The following CREB3L2 variants were observed in gnomAD, a reference collection of about 807,000 sequenced individuals.
CREB3L2 encodes the protein cyclic AMP-responsive element-binding protein 3-like protein 2.
In CREB3L2, 23 loss-of-function variants were observed where a neutral mutation model predicts 57.2. The ratio of observed to expected loss-of-function variants is 0.40; its 90% CI spans 0.29 to 0.57. CREB3L2 has a LOEUF of 0.57. Ranked by LOEUF, CREB3L2 falls within the 20% of genes least tolerant of loss-of-function variation. The pLI, the probability that CREB3L2 is intolerant of heterozygous loss-of-function variation, is 0.42. For missense variants in CREB3L2, 628 were observed against 634.7 expected (o/e 0.99, Z 0.11); for synonymous variants, 268 against 265.1 (o/e 1.01, Z -0.11).
chr7:137,941,716 T>G (rs1800882353), intron 1 of CREB3L2, among the ~76,000 whole-genome samples: 1 of 152,202 alleles, frequency 6.6e-6, no homozygotes, highest in Non-Finnish European at 1.5e-5. Flanking sequence ...AACCTGAAGT[T>G]AAGGTACACT....
chr7:137,956,563 T>C, intron 1 of CREB3L2: 1 of 1,283,742 alleles, frequency 7.8e-7, no homozygotes, highest in Non-Finnish European at 1.0e-6. Context: ...GCCATTGCAC[T>C]CTCTACCTTC....
intron 1 of CREB3L2, among the ~76,000 whole-genome samples, chr7:137,995,900 T>C (rs542919425): frequency 6.6e-6 from 1 of 152,330 alleles, no homozygotes; most frequent in East Asian, 1.9e-4. Flanking sequence ...TGTGCCTATG[T>C]CTACCACCTC....
intron 9 of CREB3L2, 26 bp downstream of exon 9, chr7:137,885,377 C>T (rs759554467): frequency 6.3e-7 from 1 of 1,593,190 alleles, no homozygotes; most frequent in East Asian, 2.2e-5. Context: ...GGGGCGGTCA[C>T]TGTGCTACCC....
intron 1 of CREB3L2, among the ~76,000 whole-genome samples, chr7:137,971,335 A>T (rs1054195485): frequency 1.3e-5 from 2 of 152,082 alleles, no homozygotes; most frequent in East Asian, 3.9e-4. Context: ...CTGTAGTCCC[A>T]GCTACTCGGG....
chr7:137,994,998 G>T (rs1801962986), intron 1 of CREB3L2, among the ~76,000 whole-genome samples: 1 of 152,296 alleles, frequency 6.6e-6, no homozygotes, highest in East Asian at 1.9e-4. Context: ...ATCCCCATAT[G>T]ATTAATCTAA....
Position 137,875,419 on chromosome 7 carries a change from T to C in CREB3L2, c.*5057A>G, listed in dbSNP as rs1799125887. 9.0e-6 allele frequency: 2 copies of C among 221,320 alleles called. No individual in the cohort carries two copies. Among genetic ancestry groups the C allele is most frequent in the African/African-American group, 2.2e-5 (1 of 44,726 alleles). The allele number at this position is 221,320 out of a possible 1,614,324, so 13.7% of individuals were successfully genotyped here. On this transcript the variant is annotated 3_prime_UTR_variant, in exon 12 of 12. Coordinates refer to ENST00000330387, the MANE Select transcript of CREB3L2 (RefSeq NM_194071.4). ...ATGGGTACATGGTGCAAAAAGTTCA[T>C]GTTCTCACTCAGCTGGTGAGCGAAG...
intron 5 of CREB3L2, 52 bp downstream of exon 5, chr7:137,908,200 G>C: frequency 8.6e-7 from 1 of 1,169,556 alleles, no homozygotes; most frequent in Non-Finnish European, 1.1e-6. Flanking sequence ...AGCCCCAGGG[G>C]AATGAATGGA....
chr7:137,914,631 C>CA (rs913878330), intron 3 of CREB3L2, among the ~76,000 whole-genome samples: 9 of 147,080 alleles, frequency 6.1e-5, no homozygotes, highest in East Asian at 2.0e-4. Flanking sequence ...ACTTCTGTTT[C>CA]AAAAAAAAAA....
Position 138,001,688 on chromosome 7 carries a change from G to A in CREB3L2, c.18C>T (p.Ser6=). Residue 6 remains serine (S), a synonymous_variant, in exon 1 of 12, where the codon AGC becomes AGT. Transcript: ENST00000330387. The surrounding 1 kb of genome is among the most constrained non-coding windows in gnomAD (Gnocchi z 4.2). MEVLE[S]GEQGVLQWDR... is the part of the protein sequence containing the mutation. ...CCCACTGCAGCACGCCCTGCTCCCC[G>A]CTCTCCAGCACCTCCATGGCGGTGC... 1.2e-6 allele frequency: 2 copies of A among 1,611,344 alleles called. No individual in the cohort carries two copies. The highest frequency in any genetic ancestry group is 3.3e-5 in the Admixed American group (2 of 59,900).
At chr7:137,998,172 G>C (rs899875234) in intron 1 of CREB3L2, among the ~76,000 whole-genome samples, 2 of 152,136 alleles carry the variant, frequency 1.3e-5, no homozygotes, top group African/African-American at 2.4e-5. Context: ...TGTAGACCAA[G>C]ATGTCTTCAT....
chr7:137,956,017 G>C (rs1189566466), intron 1 of CREB3L2, among the ~76,000 whole-genome samples: 1 of 152,158 alleles, frequency 6.6e-6, no homozygotes, highest in Non-Finnish European at 1.5e-5. Flanking sequence ...CTCATACTTT[G>C]ATGTTTAAAA....
chr7:137,957,733 T>C, intron 1 of CREB3L2: 1 of 1,285,952 alleles, frequency 7.8e-7, no homozygotes, highest in Non-Finnish European at 1.0e-6. Context: ...ACAAGTTTTC[T>C]TCAAAGAACG....
chr7:137,881,943 T>C (rs1799301702), intron 11 of CREB3L2, among the ~76,000 whole-genome samples: 1 of 152,198 alleles, frequency 6.6e-6, no homozygotes, highest in Non-Finnish European at 1.5e-5. Context: ...ATAATATGTA[T>C]AGTTTTAATT....
intron 3 of CREB3L2, among the ~76,000 whole-genome samples, chr7:137,915,287 G>A (rs1215292573): frequency 6.6e-6 from 1 of 151,776 alleles, no homozygotes; most frequent in African/African-American, 2.4e-5. Context: ...CTTTCCACGG[G>A]TAACACAATA....
chr7:137,941,392 C>A (rs758795072), intron 1 of CREB3L2, among the ~76,000 whole-genome samples: 3 of 152,220 alleles, frequency 2.0e-5, no homozygotes. Context: ...TTCTTATCTC[C>A]ATCGTGGCCA....
chr7:137,892,649 CA>C lies in CREB3L2; in HGVS notation c.1044-7148del, dbSNP rs1380436928. 2.0e-5 allele frequency among the ~76,000 whole-genome samples: 3 copies of C among 152,006 alleles called. No homozygotes were observed. The East Asian group carries it at 5.8e-4, about 29-fold the overall frequency. On this transcript the variant is annotated intron_variant, in intron 8 of 11. Coordinates refer to ENST00000330387, the MANE Select transcript of CREB3L2 (RefSeq NM_194071.4). ...TGGGTGACAGAGCAAGACTCCATCTCAAAAAAACAAAACTCAGGTGATGATC... is the reference window on the plus strand; with the variant it reads ...TGGGTGACAGAGCAAGACTCCATCTCAAAAAACAAAACTCAGGTGATGATC...
intron 8 of CREB3L2, among the ~76,000 whole-genome samples, chr7:137,893,897 C>A (rs1379912108): frequency 6.6e-6 from 1 of 152,244 alleles, no homozygotes; most frequent in South Asian, 2.1e-4. Context: ...AGCAGCCCAA[C>A]ACCTGCTCCT....
rs190050460 is a variant in CREB3L2, at chr7:137,965,659, C to T, written c.102+35945G>A. On this transcript the variant is annotated intron_variant, in intron 1 of 11. Transcript: ENST00000330387. Reference sequence around the variant, plus strand: ...ATGTTATAAGCAAGGACATAGAAAGCCCTAGGTTCTCCAGCCAAACACTGC... The same window carrying T: ...ATGTTATAAGCAAGGACATAGAAAGTCCTAGGTTCTCCAGCCAAACACTGC... Among the ~76,000 whole-genome samples the T allele has an allele frequency of 1.6e-3, 251 of 152,246 alleles. 8 individuals are homozygous for T. Among genetic ancestry groups the T allele is most frequent in the Admixed American group, 0.015 (233 of 15,284 alleles).
chr7:137,899,047 G>T (rs1428992527), intron 8 of CREB3L2, among the ~76,000 whole-genome samples: 2 of 136,126 alleles, frequency 1.5e-5, no homozygotes, highest in Non-Finnish European at 3.2e-5. Context: ...GAAGAAAAAA[G>T]AAAGAAAGAA....
Sources: allele counts gnomAD v4.1 joint callset (sites outside exome capture counted in the v4.1 genomes callset), GRCh38; gene constraint gnomAD v4.1.1; non-coding constraint Gnocchi (gnomAD v3.1); transcripts MANE v1.5; gene names NCBI Gene and HGNC (gene_info 2026-07-23, HGNC 2026-07-21).